Variants in CNTLN observed in about 807,000 individuals in gnomAD.
The protein encoded by CNTLN is centlein, centrosomal protein.
Under a neutral mutation model 180.0 loss-of-function variants are expected in CNTLN, and 212 were observed. The observed-to-expected ratio is 1.18, with a 90% CI of 1.05 to 1.32. The LOEUF is 1.32. Among genes scored for constraint, CNTLN ranks in the 40% most tolerant of loss-of-function variants. CNTLN has a pLI of 0.00. For missense variants in CNTLN, 2,095 were observed against 1,610.9 expected, an observed-to-expected ratio of 1.30 and a Z score of -5.14; for synonymous variants, 722 against 563.1, an observed-to-expected ratio of 1.28 and a Z score of -3.99.
intron 5 of CNTLN, among the ~76,000 whole-genome samples, chr9:17,265,961 C>T (rs1261401055): frequency 6.6e-6 from 1 of 151,922 alleles, no homozygotes; most frequent in African/African-American, 2.4e-5. Context: ...AGCGGTCTAT[C>T]AATTTTGTTG....
chr9:17,226,806 T>A (rs1047736469), intron 3 of CNTLN, among the ~76,000 whole-genome samples: 1 of 151,966 alleles, frequency 6.6e-6, no homozygotes, highest in African/African-American at 2.4e-5. Flanking sequence ...AACATCTGCT[T>A]CTGGGAAGGC....
At chr9:17,456,998 AGTTT>A (rs1354957010) in intron 18 of CNTLN, among the ~76,000 whole-genome samples, 1 of 152,150 alleles carries the variant, frequency 6.6e-6, no homozygotes, top group Non-Finnish European at 1.5e-5. Context: ...AAACTGAGCG[AGTTT>A]GTTTGCACGC....
the CNTLN span, among the ~76,000 whole-genome samples, chr9:17,512,140 G>A: frequency 0.36 from 54,894 of 151,874 alleles, 10,132 homozygotes; most frequent in East Asian, 0.46. Flanking sequence ...AATTTAAAAG[G>A]CCAACTAAGT....
intron 2 of CNTLN, among the ~76,000 whole-genome samples, chr9:17,144,504 G>C (rs1818313310): frequency 6.6e-6 from 1 of 151,734 alleles, no homozygotes; most frequent in African/African-American, 2.4e-5. Flanking sequence ...CCTTTTATTT[G>C]TTATTTTTTA....
At chr9:17,417,168 G>GCT (rs1828322208) in intron 18 of CNTLN, among the ~76,000 whole-genome samples, 1 of 152,108 alleles carries the variant, frequency 6.6e-6, no homozygotes, top group Non-Finnish European at 1.5e-5. Context: ...ATAAGACTGA[G>GCT]CTCTATGTTA....
intron 2 of CNTLN, among the ~76,000 whole-genome samples, chr9:17,150,971 G>T (rs1818828108): frequency 6.6e-6 from 1 of 152,188 alleles, no homozygotes; most frequent in African/African-American, 2.4e-5. Flanking sequence ...GTATAGGAAT[G>T]CTTGTGATTT....
the CNTLN span, among the ~76,000 whole-genome samples, chr9:17,509,033 A>G: frequency 6.6e-6 from 1 of 152,214 alleles, no homozygotes; most frequent in Non-Finnish European, 1.5e-5. Flanking sequence ...AGGATAGGAT[A>G]ACCTGCTCTG....
chr9:17,145,937 C>A (rs1818427950), intron 2 of CNTLN, among the ~76,000 whole-genome samples: 1 of 151,944 alleles, frequency 6.6e-6, no homozygotes, highest in African/African-American at 2.4e-5. Context: ...ATTTTATGTC[C>A]ATGTATTTTT....
chr9:17,523,379 G>A, the CNTLN span, among the ~76,000 whole-genome samples: 1 of 152,066 alleles, frequency 6.6e-6, no homozygotes, highest in Non-Finnish European at 1.5e-5. Context: ...TGGGATTACA[G>A]GTGTCCACCA....
the CNTLN span, among the ~76,000 whole-genome samples, chr9:17,514,007 T>G: frequency 6.6e-6 from 1 of 152,080 alleles, no homozygotes; most frequent in East Asian, 1.9e-4. Context: ...CAGATTCACT[T>G]AAGAAGTGGT....
At chr9:17,300,774 A>G (rs1818289964) in intron 7 of CNTLN, 1 of 159,892 alleles carries the variant, frequency 6.3e-6, no homozygotes, top group Admixed American at 6.5e-5. Context: ...TACCTCTCTG[A>G]TCTCATCTTT....
At chr9:17,390,710 A>G (rs1365972989) in intron 14 of CNTLN, among the ~76,000 whole-genome samples, 1 of 152,214 alleles carries the variant, frequency 6.6e-6, no homozygotes, top group Non-Finnish European at 1.5e-5. Flanking sequence ...AAGGATTAAA[A>G]TCAGTTTAAC....
chr9:17,324,391 A>G (rs1176307670), intron 8 of CNTLN, among the ~76,000 whole-genome samples: 1 of 152,196 alleles, frequency 6.6e-6, no homozygotes, highest in Admixed American at 6.5e-5. Flanking sequence ...TATTTAAGAT[A>G]AAAAGAAATT....
chr9:17,210,801 G>A (rs1823246768), intron 2 of CNTLN, among the ~76,000 whole-genome samples: 1 of 152,120 alleles, frequency 6.6e-6, no homozygotes, highest in African/African-American at 2.4e-5. Context: ...TTCTTTGATG[G>A]CCAGTGATGA....
chr9:17,453,805 G>A (rs183948364), intron 18 of CNTLN, among the ~76,000 whole-genome samples: 1 of 152,190 alleles, frequency 6.6e-6, no homozygotes, highest in African/African-American at 2.4e-5. Flanking sequence ...TTGACTTGTA[G>A]CTCGTCTCAT....
intron 10 of CNTLN, among the ~76,000 whole-genome samples, chr9:17,334,358 C>T (rs1176737260): frequency 6.6e-6 from 1 of 152,050 alleles, no homozygotes; most frequent in Admixed American, 6.6e-5. Flanking sequence ...CTGCTCCTGG[C>T]CCTTTTGCAT....
rs370443374 is a variant in CNTLN, at chr9:17,226,190, A to G, written c.450-13A>G. On this transcript the variant is annotated splice_polypyrimidine_tract_variant and intron_variant, in intron 2 of 25. Coordinates refer to ENST00000380647, the MANE Select transcript of CNTLN (RefSeq NM_017738.4). ...CAGTTATGACTAATAAACTCTCTAT[A>G]TTTTATATCTAGAGAAAAACAGAAA... 1.8e-5 allele frequency: 27 copies of G among 1,461,568 alleles called. No homozygotes were observed. The highest frequency in any genetic ancestry group is 2.5e-5 in the Non-Finnish European group (27 of 1,068,288). 90.5% of individuals were successfully genotyped at this position (1,461,568 alleles called of 1,614,324 possible). A position where few individuals can be genotyped will look rare whatever the true frequency, so the allele number is the denominator to read the frequency against.
intron 2 of CNTLN, among the ~76,000 whole-genome samples, chr9:17,210,306 A>G (rs1823205064): frequency 6.6e-6 from 1 of 152,172 alleles, no homozygotes; most frequent in South Asian, 2.1e-4. Context: ...GAGTGAGAAC[A>G]TGCGGTGTTT....
intron 2 of CNTLN, among the ~76,000 whole-genome samples, chr9:17,156,505 A>C (rs1430608489): frequency 2.0e-5 from 3 of 150,202 alleles, no homozygotes; most frequent in Non-Finnish European, 4.4e-5. Context: ...TCTTTCTCTT[A>C]CTCTTTTTTT....
Sources: gnomAD v4.1 joint callset for allele counts (sites outside exome capture counted in the v4.1 genomes callset) on GRCh38, gnomAD v4.1.1 for gene constraint, MANE v1.5 for transcripts, NCBI Gene and HGNC (gene_info 2026-07-23, HGNC 2026-07-21) for gene names.